The following CACNA2D3 variants were observed in gnomAD, a reference collection of about 807,000 sequenced individuals.
CACNA2D3 encodes calcium voltage-gated channel auxiliary subunit alpha2delta 3.
A neutral mutation model predicts 160.6 loss-of-function variants in CACNA2D3; 60 were observed. That is an observed-to-expected ratio of 0.37 (90% CI 0.30 to 0.46). The LOEUF is 0.46. Ranked by LOEUF, CACNA2D3 falls within the 20% of genes least tolerant of loss-of-function variation. CACNA2D3 has a pLI of 1.00. For missense variants in CACNA2D3, 1,205 were observed against 1,365.0 expected, an observed-to-expected ratio of 0.88 and a Z score of 1.85; for synonymous variants, 558 against 492.9, an observed-to-expected ratio of 1.13 and a Z score of -1.75.
chr3:54,149,267 G>GCACACACACACACACACACACA (rs3060363), intron 2 of CACNA2D3, among the ~76,000 whole-genome samples: 6 of 144,440 alleles, frequency 4.2e-5, no homozygotes, highest in South Asian at 2.3e-4. Flanking sequence ...GGTCCCATGT[G>GCACACACACACACACACACACA]CACACACACA....
chr3:54,239,559 A>C (rs1210501338), intron 2 of CACNA2D3, among the ~76,000 whole-genome samples: 2 of 152,234 alleles, frequency 1.3e-5, no homozygotes, highest in Non-Finnish European at 2.9e-5. Context: ...TGTCCAAGCC[A>C]AAAGTGTTGG....
rs755387171 is a variant in CACNA2D3 at position 54,642,138 on chromosome 3, C to T, written c.1064C>T (p.Thr355Met). 14 of 1,606,158 alleles carry T rather than the reference C, an allele frequency of 8.7e-6. No individual in the cohort carries two copies. Among genetic ancestry groups the T allele is most frequent in the South Asian group, 3.3e-5 (3 of 90,066 alleles). ...TATTTCTTTCCCTAGTTCAACCACACGGGACAAGGAAGTATCTGCAGTCAG... is the reference window on the plus strand; with the variant it reads ...TATTTCTTTCCCTAGTTCAACCACATGGGACAAGGAAGTATCTGCAGTCAG... Reference protein sequence around the residue: ...AFNILSDFNHTGQGSICSQAI... With the variant: ...AFNILSDFNHMGQGSICSQAI... Residue 355 changes from threonine to methionine, a missense_variant, in exon 11 of 38, where the codon ACG (threonine) becomes ATG (methionine). Around this residue, in one of 3 missense-constraint regions of CACNA2D3, gnomAD observed 911 missense variants for 1,002.2 expected, o/e 0.91. Transcript: ENST00000474759.
chr3:54,885,951 CA>C, intron 23 of CACNA2D3, among the ~76,000 whole-genome samples: 1 of 152,150 alleles, frequency 6.6e-6, no homozygotes, highest in African/African-American at 2.4e-5. Flanking sequence ...GTGCCTCATT[CA>C]AGGCTATATC....
intron 2 of CACNA2D3, among the ~76,000 whole-genome samples, chr3:54,170,212 AG>A (rs1179827490): frequency 1.4e-5 from 2 of 144,088 alleles, no homozygotes; most frequent in African/African-American, 2.6e-5. Flanking sequence ...AAAAAAAGTG[AG>A]GGGGTAAGGA....
At chr3:54,489,421 T>A (rs1701070829) in intron 4 of CACNA2D3, among the ~76,000 whole-genome samples, 1 of 152,208 alleles carries the variant, frequency 6.6e-6, no homozygotes, top group Non-Finnish European at 1.5e-5. Context: ...CCCTGGTAGG[T>A]AGAACCACAT....
chr3:54,376,658 C>A (rs1202419814), intron 3 of CACNA2D3, among the ~76,000 whole-genome samples: 1 of 152,180 alleles, frequency 6.6e-6, no homozygotes, highest in East Asian at 1.9e-4. Context: ...TTCATTGCGT[C>A]AGCCCTTAGT....
At chr3:54,264,591 T>C (rs1278744637) in intron 2 of CACNA2D3, among the ~76,000 whole-genome samples, 1 of 152,214 alleles carries the variant, frequency 6.6e-6, no homozygotes, top group Non-Finnish European at 1.5e-5. Flanking sequence ...AACAGTAAAA[T>C]AGAAACGGAG....
At position 54,316,126 on chromosome 3, in the gene CACNA2D3, A is replaced by G. The variant is rs1029833554; in HGVS notation, c.205-4316A>G. Among the ~76,000 whole-genome samples the G allele has an allele frequency of 5.3e-5, 6 of 112,962 alleles. No individual in the cohort carries two copies. In the South Asian group the frequency reaches 1.9e-3, roughly 36 times the overall value. The allele number at this position is 112,962 out of a possible 152,430, so 74.1% of individuals were successfully genotyped here. On this transcript the variant is annotated intron_variant, in intron 2 of 37. Transcript: ENST00000474759. ...GTGTGTGAGATTAGTGATTTAAAACAAAAAGTAAGCAGTTACTGTCATACG... is the reference window on the plus strand; with the variant it reads ...GTGTGTGAGATTAGTGATTTAAAACGAAAAGTAAGCAGTTACTGTCATACG...
At chr3:54,339,874 A>G (rs1704475625) in intron 3 of CACNA2D3, among the ~76,000 whole-genome samples, 2 of 152,198 alleles carry the variant, frequency 1.3e-5, no homozygotes, top group African/African-American at 2.4e-5. Flanking sequence ...AGGAGGTTTA[A>G]TCATCAGACC....
At chr3:54,998,414 G>A (rs542935494) in intron 31 of CACNA2D3, among the ~76,000 whole-genome samples, 95 of 152,238 alleles carry the variant, frequency 6.2e-4, no homozygotes, top group Non-Finnish European at 1.1e-3. Flanking sequence ...GATTACAGGC[G>A]TGAGCCACCA....
intron 11 of CACNA2D3, among the ~76,000 whole-genome samples, chr3:54,745,393 T>C (rs1215221721): frequency 6.6e-6 from 1 of 151,890 alleles, no homozygotes; most frequent in Non-Finnish European, 1.5e-5. Context: ...GGGCTGTGGA[T>C]TGGTTGGTTT....
chr3:55,040,362 A>C (rs1703930923), intron 35 of CACNA2D3, among the ~76,000 whole-genome samples: 1 of 152,222 alleles, frequency 6.6e-6, no homozygotes, highest in Admixed American at 6.5e-5. Context: ...CCATATCAGC[A>C]TAATAATTAT....
At chr3:54,552,233 C>CT (rs1445303268) in intron 5 of CACNA2D3, among the ~76,000 whole-genome samples, 1 of 152,196 alleles carries the variant, frequency 6.6e-6, no homozygotes, top group East Asian at 1.9e-4. Flanking sequence ...CAGTACTACT[C>CT]TATCTTCATC....
intron 2 of CACNA2D3, among the ~76,000 whole-genome samples, chr3:54,174,998 G>A (rs1005871997): frequency 7.9e-5 from 12 of 152,276 alleles, no homozygotes; most frequent in Admixed American, 7.8e-4. Flanking sequence ...TCTGGGGCAG[G>A]GGGTTTTGAA....
chr3:54,879,763 A>G (rs911986463), intron 20 of CACNA2D3, among the ~76,000 whole-genome samples: 5 of 152,144 alleles, frequency 3.3e-5, no homozygotes, highest in East Asian at 3.9e-4. Context: ...TTTTATTTCC[A>G]TGACCAAAAA....
intron 9 of CACNA2D3, among the ~76,000 whole-genome samples, chr3:54,608,694 T>C (rs572927426): frequency 6.6e-6 from 1 of 152,362 alleles, no homozygotes; most frequent in Non-Finnish European, 1.5e-5. Flanking sequence ...TCCTTGCTGC[T>C]TGCTATGATG....
At chr3:54,394,152 C>T (rs1699331296) in intron 4 of CACNA2D3, among the ~76,000 whole-genome samples, 2 of 151,972 alleles carry the variant, frequency 1.3e-5, no homozygotes, top group South Asian at 2.1e-4. Flanking sequence ...CGTCAGAGCA[C>T]CCCTTCTTCC....
intron 4 of CACNA2D3, among the ~76,000 whole-genome samples, chr3:54,387,611 C>T (rs1388859305): frequency 6.6e-6 from 1 of 152,186 alleles, no homozygotes; most frequent in Non-Finnish European, 1.5e-5. Flanking sequence ...GAGATTGAGC[C>T]ATTGCACTGC....
intron 3 of CACNA2D3, among the ~76,000 whole-genome samples, chr3:54,327,005 G>A (rs1197401576): frequency 6.6e-6 from 1 of 152,100 alleles, no homozygotes; most frequent in African/African-American, 2.4e-5. Context: ...GAAATTTAGA[G>A]CAAAAACCTC....
Sources: allele counts gnomAD v4.1 joint callset (sites outside exome capture counted in the v4.1 genomes callset), GRCh38; gene constraint gnomAD v4.1.1; regional missense constraint gnomAD v4.1.1; transcripts MANE v1.5; gene names NCBI Gene and HGNC (gene_info 2026-07-23, HGNC 2026-07-21).